ARAP2: variants seen among roughly 807,000 people sequenced by gnomAD.
ARAP2 encodes ArfGAP with RhoGAP domain, ankyrin repeat and PH domain 2, also known as arf-GAP with Rho-GAP domain, ANK repeat and PH domain-containing protein 2.
In ARAP2, 148 loss-of-function variants were observed where a neutral mutation model predicts 194.5. The observed-to-expected ratio is 0.76, with a 90% CI of 0.67 to 0.87. The LOEUF (loss-of-function observed/expected upper bound fraction) is 0.87, where lower values mean the gene tolerates loss of function less well. Among genes scored for constraint, ARAP2 ranks in the 40% least tolerant of loss-of-function variants. The probability of loss-of-function intolerance (pLI) is 0.00; values close to 1 mark genes in which losing one functional copy is unlikely to be tolerated. For missense variants in ARAP2, 2,128 were observed against 1,989.7 expected (o/e 1.07, Z -1.32); for synonymous variants, 695 against 683.5 (o/e 1.02, Z -0.26).
At chr4:36,235,664 T>G (rs1422886441) in intron 1 of ARAP2, among the ~76,000 whole-genome samples, 1 of 152,238 alleles carries the variant, frequency 6.6e-6, no homozygotes, top group Non-Finnish European at 1.5e-5. Flanking sequence ...GCTGAATAAT[T>G]TCTCCCTTGC....
At chr4:36,028,869 C>T (rs1718423523) in intron 5 of ARAP2, among the ~76,000 whole-genome samples, 1 of 151,884 alleles carries the variant, frequency 6.6e-6, no homozygotes, top group African/African-American at 2.4e-5. Flanking sequence ...ATTTGTATAA[C>T]AGAGATTTTT....
Position 36,159,335 on chromosome 4 carries a change from G to A in ARAP2, c.2613C>T (p.Phe871=), listed in dbSNP as rs778463970. The A allele has an allele frequency of 1.3e-6, 2 of 1,597,926 alleles. No individual in the cohort carries two copies. The highest frequency in any genetic ancestry group is 2.7e-5 in the African/African-American group (2 of 74,384). Residue 871 remains phenylalanine (F), a synonymous_variant, in exon 14 of 33, where the codon TTC becomes TTT. Coordinates refer to ENST00000303965, the MANE Select transcript of ARAP2 (RefSeq NM_015230.4). ...LQMEFLYHNK[F]SDFPQHDIHS... is the part of the protein sequence containing the mutation. Reference sequence around the variant, plus strand: ...AATGAAGAGACAGTGACGAACCTGAGAATTTGTTATGGTAGAGAAATTCCA... The same window carrying A: ...AATGAAGAGACAGTGACGAACCTGAAAATTTGTTATGGTAGAGAAATTCCA...
chr4:36,221,417 G>A (rs1749140802), intron 2 of ARAP2, among the ~76,000 whole-genome samples: 2 of 151,870 alleles, frequency 1.3e-5, no homozygotes, highest in Non-Finnish European at 2.9e-5. Context: ...AAAGGGGTTA[G>A]GTCACTTACT....
intron 5 of ARAP2, among the ~76,000 whole-genome samples, chr4:36,033,796 C>A (rs1719422365): frequency 6.6e-6 from 1 of 152,038 alleles, no homozygotes; most frequent in Non-Finnish European, 1.5e-5. Flanking sequence ...ACATTTAAGC[C>A]TTTTATCCAT....
At chr4:36,232,486 A>G (rs1483033538) in intron 1 of ARAP2, among the ~76,000 whole-genome samples, 1 of 152,238 alleles carries the variant, frequency 6.6e-6, no homozygotes, top group Non-Finnish European at 1.5e-5. Context: ...CACCATGCTC[A>G]TATTTCCTAT....
At chr4:36,024,495 ATT>A (rs1178805259) in intron 5 of ARAP2, among the ~76,000 whole-genome samples, 2 of 152,150 alleles carry the variant, frequency 1.3e-5, no homozygotes, top group East Asian at 3.8e-4. Context: ...AGATTTTATT[ATT>A]CTTATATTGT....
At chr4:36,164,207 T>C (rs962982385) in intron 11 of ARAP2, among the ~76,000 whole-genome samples, 2 of 152,182 alleles carry the variant, frequency 1.3e-5, no homozygotes, top group African/African-American at 4.8e-5. Context: ...TGTGTGTATG[T>C]GTGTGTGTAC....
intron 6 of ARAP2, among the ~76,000 whole-genome samples, chr4:36,201,862 A>C (rs1168638293): frequency 6.6e-6 from 1 of 152,138 alleles, no homozygotes; most frequent in Non-Finnish European, 1.5e-5. Context: ...CATGCTAACT[A>C]ACCAATGATA....
At chr4:36,076,843 T>C (rs962417082) in intron 31 of ARAP2, among the ~76,000 whole-genome samples, 1 of 152,162 alleles carries the variant, frequency 6.6e-6, no homozygotes, top group African/African-American at 2.4e-5. Context: ...GTGGCCAAAA[T>C]AGAACTCTCC....
intron 10 of ARAP2, among the ~76,000 whole-genome samples, chr4:36,165,425 G>A (rs1043250249): frequency 6.6e-6 from 1 of 152,138 alleles, no homozygotes; most frequent in Non-Finnish European, 1.5e-5. Context: ...CCTAAGCAAT[G>A]GTTATGTAAT....
intron 3 of ARAP2, among the ~76,000 whole-genome samples, chr4:36,213,828 G>C (rs1747315301): frequency 6.6e-6 from 1 of 152,052 alleles, no homozygotes; most frequent in South Asian, 2.1e-4. Flanking sequence ...TAATGCATCT[G>C]TAAATAAATT....
intron 5 of ARAP2, among the ~76,000 whole-genome samples, chr4:36,031,122 C>T (rs1718880207): frequency 6.6e-6 from 1 of 152,082 alleles, no homozygotes; most frequent in Non-Finnish European, 1.5e-5. Flanking sequence ...GAGCAAGACT[C>T]GTCTCAAAGA....
intron 27 of ARAP2, among the ~76,000 whole-genome samples, chr4:36,094,462 G>A (rs547786373): frequency 2.0e-5 from 3 of 152,112 alleles, no homozygotes; most frequent in South Asian, 2.1e-4. Flanking sequence ...TCTCCACCAA[G>A]AACCTGTTCA....
intron 26 of ARAP2, among the ~76,000 whole-genome samples, chr4:36,111,969 T>A (rs7662777): frequency 6.6e-6 from 1 of 151,946 alleles, no homozygotes; most frequent in Non-Finnish European, 1.5e-5. Context: ...ATCAAACTTT[T>A]AAAAAGCAAC....
At chr4:36,171,199 T>C (rs753646060) in intron 9 of ARAP2, among the ~76,000 whole-genome samples, 1 of 152,244 alleles carries the variant, frequency 6.6e-6, no homozygotes. Flanking sequence ...TAAATCATGC[T>C]GCTATAAAGA....
At chr4:36,162,505 A>T (rs1241117954) in intron 11 of ARAP2, among the ~76,000 whole-genome samples, 1 of 152,182 alleles carries the variant, frequency 6.6e-6, no homozygotes, top group Non-Finnish European at 1.5e-5. Context: ...CTGAGAAGGA[A>T]AAAAAGTGTA....
At chr4:36,204,773 G>A (rs1035538336) in intron 6 of ARAP2, among the ~76,000 whole-genome samples, 2 of 151,822 alleles carry the variant, frequency 1.3e-5, no homozygotes, top group African/African-American at 2.4e-5. Flanking sequence ...GGTAGATCAC[G>A]AGGTCAGGAG....
At chr4:36,082,690 GA>G (rs1242135960) in intron 29 of ARAP2, among the ~76,000 whole-genome samples, 1 of 152,158 alleles carries the variant, frequency 6.6e-6, no homozygotes, top group Non-Finnish European at 1.5e-5. Flanking sequence ...CAAAAGTGAA[GA>G]AATTTTCAGC....
intron 31 of ARAP2, among the ~76,000 whole-genome samples, chr4:36,075,925 C>G (rs2109326444): frequency 6.6e-6 from 1 of 152,286 alleles, no homozygotes; most frequent in Admixed American, 6.5e-5. Context: ...TTTCCTCACT[C>G]TCTGAAGATT....
Sources: allele counts gnomAD v4.1 joint callset (sites outside exome capture counted in the v4.1 genomes callset), GRCh38; gene constraint gnomAD v4.1.1; transcripts MANE v1.5; gene names NCBI Gene and HGNC (gene_info 2026-07-23, HGNC 2026-07-21).